SMAGP: variants seen among roughly 807,000 people sequenced by gnomAD.
SMAGP encodes the protein small cell adhesion glycoprotein, also known as small cell transmembrane and glycosylated protein.
A neutral mutation model predicts 10.1 loss-of-function variants in SMAGP; 7 were observed. The observed-to-expected ratio is 0.70, with a 90% CI of 0.40 to 1.31. SMAGP has a LOEUF of 1.31. SMAGP is among the 50% of genes most tolerant of loss of function. The pLI, the probability that SMAGP is intolerant of heterozygous loss-of-function variation, is 0.01. For synonymous variants in SMAGP, 49 were observed against 47.2 expected, an observed-to-expected ratio of 1.04 and a Z score of -0.16; for missense variants, 113 against 116.5, an observed-to-expected ratio of 0.97 and a Z score of 0.14.
intron 2 of SMAGP, among the ~76,000 whole-genome samples, chr12:51,249,172 G>A (rs1565656863): frequency 1.3e-5 from 2 of 151,732 alleles, no homozygotes; most frequent in Admixed American, 6.6e-5. Flanking sequence ...TGGAAGCTCC[G>A]CCCCCCTCCC....
At chr12:51,261,521 C>T (rs1015285986) in intron 2 of SMAGP, among the ~76,000 whole-genome samples, 15 of 152,100 alleles carry the variant, frequency 9.9e-5, no homozygotes, top group African/African-American at 3.4e-4. Flanking sequence ...CAAGGCATGA[C>T]CTGTACAAGA....
chr12:51,248,442 T>A (rs944182477), intron 2 of SMAGP, among the ~76,000 whole-genome samples: 4,515 of 42,194 alleles, frequency 0.11, 49 homozygotes, highest in South Asian at 0.22. Context: ...ACACTCTCTC[T>A]CTCTCTCTCT....
At chr12:51,258,433 A>G (rs1265215004) in intron 2 of SMAGP, among the ~76,000 whole-genome samples, 1 of 151,746 alleles carries the variant, frequency 6.6e-6, no homozygotes, top group African/African-American at 2.4e-5. Context: ...CTCTACTAAA[A>G]ATAAAAATTA....
chr12:51,264,933 A>AG (rs1339627013), intron 2 of SMAGP, among the ~76,000 whole-genome samples: 2 of 145,680 alleles, frequency 1.4e-5, no homozygotes, highest in African/African-American at 2.6e-5. Context: ...CTCCATCGCC[A>AG]GAAAAAAAAA....
At chr12:51,263,964 C>T (rs767207609) in intron 2 of SMAGP, among the ~76,000 whole-genome samples, 2 of 151,978 alleles carry the variant, frequency 1.3e-5, no homozygotes, top group Non-Finnish European at 2.9e-5. Flanking sequence ...TTATATTCTT[C>T]CTTACACTGA....
chr12:51,267,960 A>G (rs894445264), intron 2 of SMAGP, among the ~76,000 whole-genome samples: 19 of 152,314 alleles, frequency 1.2e-4, no homozygotes, highest in African/African-American at 4.6e-4. Flanking sequence ...TGTGTATAGG[A>G]AGACAAAGGT....
chr12:51,264,107 A>T (rs1444621080), intron 2 of SMAGP, among the ~76,000 whole-genome samples: 6 of 152,146 alleles, frequency 3.9e-5, no homozygotes, highest in Non-Finnish European at 7.4e-5. Context: ...TTCTCTAGGA[A>T]GTCTTTATAG....
chr12:51,265,898 C>T (rs1045526585), intron 2 of SMAGP, among the ~76,000 whole-genome samples: 11 of 152,012 alleles, frequency 7.2e-5, no homozygotes, highest in East Asian at 3.9e-4. Context: ...CTGGCTAACA[C>T]GGTGAAACCC....
At chr12:51,250,982 C>T (rs73109026) in intron 2 of SMAGP, among the ~76,000 whole-genome samples, 8,875 of 152,268 alleles carry the variant, frequency 0.058, 398 homozygotes, top group Non-Finnish European at 0.094. Context: ...GGCTGCAATC[C>T]ATCTTCCTAC....
intron 3 of SMAGP, chr12:51,246,369 A>G: frequency 2.0e-6 from 1 of 507,248 alleles, no homozygotes; most frequent in Non-Finnish European, 3.4e-6. Context: ...TGCCTCCCAA[A>G]CCAGTTCCTG....
At chr12:51,251,962 G>A (rs575715791) in intron 2 of SMAGP, among the ~76,000 whole-genome samples, 1 of 152,318 alleles carries the variant, frequency 6.6e-6, no homozygotes, top group African/African-American at 2.4e-5. Context: ...AGAATGCCTT[G>A]CTGCGATGCA....
intron 2 of SMAGP, among the ~76,000 whole-genome samples, chr12:51,249,786 T>A (rs1326731552): frequency 6.6e-6 from 1 of 151,800 alleles, no homozygotes; most frequent in African/African-American, 2.4e-5. Context: ...CCAGTTAATT[T>A]TTGTATTTTC....
At chr12:51,262,109 T>C (rs186071709) in intron 2 of SMAGP, among the ~76,000 whole-genome samples, 5 of 151,920 alleles carry the variant, frequency 3.3e-5, no homozygotes, top group African/African-American at 1.2e-4. Flanking sequence ...TAAAAAACCC[T>C]ATAAATATGC....
At chr12:51,267,976 G>A (rs1043352970) in intron 2 of SMAGP, among the ~76,000 whole-genome samples, 1 of 152,178 alleles carries the variant, frequency 6.6e-6, no homozygotes, top group African/African-American at 2.4e-5. Context: ...AAGGTGTATA[G>A]ACCAACCAAG....
At chr12:51,269,146 G>A in intron 2 of SMAGP, 99 bp downstream of exon 2, 1 of 1,308,990 alleles carries the variant, frequency 7.6e-7, no homozygotes, top group Non-Finnish European at 1.1e-6. Context: ...AGAGAGAGGT[G>A]GGAGTCTTCC....
intron 2 of SMAGP, among the ~76,000 whole-genome samples, chr12:51,262,080 A>AT (rs796923244): frequency 4.0e-5 from 6 of 150,874 alleles, no homozygotes; most frequent in Non-Finnish European, 7.4e-5. Context: ...CTCTCTGTGT[A>AT]TTTTTTTTTA....
intron 2 of SMAGP, among the ~76,000 whole-genome samples, chr12:51,268,813 T>C (rs1254102092): frequency 2.0e-5 from 3 of 152,030 alleles, no homozygotes; most frequent in African/African-American, 7.2e-5. Context: ...CTCAAACTCC[T>C]GACCTCAGAT....
At chr12:51,247,025 T>G (rs1944782907) in intron 2 of SMAGP, among the ~76,000 whole-genome samples, 194 bp from the exon 3 acceptor site, 1 of 152,178 alleles carries the variant, frequency 6.6e-6, no homozygotes, top group Admixed American at 6.5e-5. Flanking sequence ...GACAATATGT[T>G]GATGGATTTC....
intron 2 of SMAGP, among the ~76,000 whole-genome samples, chr12:51,249,172 GC>G (rs1015655956): frequency 1.9e-4 from 29 of 151,850 alleles, no homozygotes; most frequent in African/African-American, 6.8e-4. Context: ...TGGAAGCTCC[GC>G]CCCCCTCCCC....
Sources: gnomAD v4.1 joint callset for allele counts (sites outside exome capture counted in the v4.1 genomes callset) on GRCh38, gnomAD v4.1.1 for gene constraint, MANE v1.5 for transcripts, NCBI Gene and HGNC (gene_info 2026-07-23, HGNC 2026-07-21) for gene names.